YEATS4: variants seen among roughly 807,000 people sequenced by gnomAD.
YEATS4 encodes YEATS domain containing 4.
Under a neutral mutation model 30.1 loss-of-function variants are expected in YEATS4, and 17 were observed. The observed-to-expected ratio is 0.56, with a 90% confidence interval of 0.39 to 0.85. The LOEUF (loss-of-function observed/expected upper bound fraction) is 0.85. Among genes scored for constraint, YEATS4 ranks in the 40% least tolerant of loss-of-function variants. The pLI is 0.00. For synonymous variants in YEATS4, 85 were observed against 87.5 expected, an observed-to-expected ratio of 0.97 and a Z score of 0.16; for missense variants, 142 against 268.3, an observed-to-expected ratio of 0.53 and a Z score of 3.29.
At chr12:69,375,459 TG>T (rs201674818) in intron 6 of YEATS4, among the ~76,000 whole-genome samples, 8,778 of 135,922 alleles carry the variant, frequency 0.065, 373 homozygotes, top group African/African-American at 0.13. Flanking sequence ...TCCCAGACGA[TG>T]GGCGGCCAGG....
intron 4 of YEATS4, among the ~76,000 whole-genome samples, chr12:69,367,045 C>T (rs1032057275): frequency 3.9e-5 from 6 of 152,144 alleles, no homozygotes; most frequent in South Asian, 2.1e-4. Flanking sequence ...TTTCTTCCTA[C>T]GTAGGAATTT....
intron 6 of YEATS4, among the ~76,000 whole-genome samples, chr12:69,372,932 A>G (rs1444912836): frequency 6.6e-6 from 1 of 152,020 alleles, no homozygotes; most frequent in Non-Finnish European, 1.5e-5. Flanking sequence ...TAATGACCTT[A>G]AGTTCCATCC....
rs779259658 is a variant in YEATS4 at position 69,359,944 on chromosome 12, G to T, written c.-29G>T. 1 of 1,610,600 alleles carries T rather than the reference G, an allele frequency of 6.2e-7. No individual in the cohort carries two copies. Among genetic ancestry groups the T allele is most frequent in the African/African-American group, 1.3e-5 (1 of 74,618 alleles). On this transcript the variant is annotated 5_prime_UTR_variant, in exon 1 of 7. Coordinates refer to ENST00000247843, the MANE Select transcript of YEATS4 (RefSeq NM_006530.4). ...CCCGCCAGCCCCGGTCTCTTTCCCT[G>T]GCGGCGGCGGCTTCTTCCGTGGGAC...
chr12:69,382,809 G>A (rs962139721), intron 6 of YEATS4, among the ~76,000 whole-genome samples: 2 of 152,208 alleles, frequency 1.3e-5, no homozygotes, highest in South Asian at 2.1e-4. Flanking sequence ...TTTGAAAATA[G>A]GTACAGGAGG....
intron 6 of YEATS4, among the ~76,000 whole-genome samples, chr12:69,385,333 A>C (rs909964054): frequency 5.9e-5 from 9 of 152,288 alleles, no homozygotes; most frequent in African/African-American, 2.2e-4. Flanking sequence ...TGTGAGTATA[A>C]ATTTAGCTCT....
rs1259418843 is a variant in YEATS4 at position 69,390,273 on chromosome 12, A to C, written c.641A>C (p.Glu214Ala). ...SRETINCLKN[E>A]IRKLEEDDQA... Reference sequence around the variant, plus strand: ...GAAACTATAAATTGTTTAAAAAATGAAATCAGAAAACTTGAAGAAGATGAC... The same window carrying C: ...GAAACTATAAATTGTTTAAAAAATGCAATCAGAAAACTTGAAGAAGATGAC... Residue 214 changes from glutamate to alanine, a missense_variant, in exon 7 of 7, where the codon GAA (glutamate) becomes GCA (alanine). Around this residue, in one of 3 missense-constraint regions of YEATS4, gnomAD observed 53 missense variants for 68.6 expected, o/e 0.77. Coordinates refer to ENST00000247843, the MANE Select transcript of YEATS4 (RefSeq NM_006530.4). 3 of 1,597,912 alleles carry C rather than the reference A, an allele frequency of 1.9e-6. No homozygotes were observed. The highest frequency in any genetic ancestry group is 2.6e-6 in the Non-Finnish European group (3 of 1,175,994).
intron 6 of YEATS4, among the ~76,000 whole-genome samples, chr12:69,378,088 T>G (rs906106565): frequency 6.6e-6 from 1 of 152,240 alleles, no homozygotes; most frequent in Non-Finnish European, 1.5e-5. Flanking sequence ...CCTTTATTAT[T>G]ATATAATGAC....
chr12:69,401,797 A>G, the YEATS4 span, among the ~76,000 whole-genome samples: 1 of 152,080 alleles, frequency 6.6e-6, no homozygotes, highest in Non-Finnish European at 1.5e-5. Flanking sequence ...CACACGTTCT[A>G]CTTTCTTTTG....
intron 2 of YEATS4, 80 bp downstream of exon 2, chr12:69,362,987 T>G: frequency 9.9e-7 from 1 of 1,011,290 alleles, no homozygotes; most frequent in South Asian, 2.8e-5. Context: ...CTGTAGTTTT[T>G]TTTTTTTTTT....
intron 6 of YEATS4, among the ~76,000 whole-genome samples, chr12:69,373,261 A>G (rs1875714222): frequency 6.6e-6 from 1 of 152,174 alleles, no homozygotes; most frequent in African/African-American, 2.4e-5. Context: ...CACCAACAGT[A>G]TATAAGGGTT....
chr12:69,372,590 A>G (rs1875690404), intron 6 of YEATS4, among the ~76,000 whole-genome samples: 1 of 142,634 alleles, frequency 7.0e-6, no homozygotes, highest in Non-Finnish European at 1.5e-5. Flanking sequence ...GCTGGAGGGC[A>G]GTGGCATGAT....
At chr12:69,409,307 G>C in the YEATS4 span, among the ~76,000 whole-genome samples, 7 of 152,136 alleles carry the variant, frequency 4.6e-5, no homozygotes, top group Non-Finnish European at 5.9e-5. Context: ...TTAGAACCTA[G>C]TTAATGCTCA....
chr12:69,425,014 G>T, the YEATS4 span, among the ~76,000 whole-genome samples: 2 of 152,036 alleles, frequency 1.3e-5, 1 homozygote, highest in Admixed American at 1.3e-4. Context: ...CCGCCTCCTG[G>T]GTTCAAGCAA....
chr12:69,365,074 A>G (rs1180740966), intron 2 of YEATS4, among the ~76,000 whole-genome samples: 1 of 152,236 alleles, frequency 6.6e-6, no homozygotes, highest in East Asian at 1.9e-4. Flanking sequence ...TTGCCAAAAA[A>G]AAAGTTAATT....
At chr12:69,405,012 A>T in the YEATS4 span, among the ~76,000 whole-genome samples, 2 of 152,186 alleles carry the variant, frequency 1.3e-5, no homozygotes, top group Non-Finnish European at 2.9e-5. Flanking sequence ...AAAGAAGCAG[A>T]GAGAGAGAGG....
chr12:69,385,732 T>C lies in YEATS4; in HGVS notation c.515-4415T>C, dbSNP rs933987352. 2.6e-5 allele frequency among the ~76,000 whole-genome samples: 4 copies of C among 152,218 alleles called. No individual in the cohort carries two copies. The South Asian group carries it at 8.3e-4, about 32-fold the overall frequency. On this transcript the variant is annotated intron_variant, in intron 6 of 6. Transcript: ENST00000247843. Reference sequence around the variant, plus strand: ...AAGCACTAATGATCTAGCTTTTTAGTTGCTTCTTCAAGAAATAGTAAAAAT... The same window carrying C: ...AAGCACTAATGATCTAGCTTTTTAGCTGCTTCTTCAAGAAATAGTAAAAAT...
Position 69,370,869 on chromosome 12 carries a change from G to A in YEATS4, c.427-19G>A. ...AGAACTTTGAAGTTATTGGGTTTTT[G>A]TTCATTTTATCCCATTAGATATTTC... is the stretch of plus-strand genomic sequence containing the variant. On this transcript the variant is annotated intron_variant, in intron 5 of 6. Coordinates refer to ENST00000247843, the MANE Select transcript of YEATS4 (RefSeq NM_006530.4). The A allele has an allele frequency of 6.2e-7, 1 of 1,604,140 alleles. No individual in the cohort carries two copies. The highest frequency in any genetic ancestry group is 8.5e-7 in the Non-Finnish European group (1 of 1,177,300).
At chr12:69,416,795 G>A in the YEATS4 span, among the ~76,000 whole-genome samples, 351 of 152,278 alleles carry the variant, frequency 2.3e-3, 2 homozygotes, top group African/African-American at 8.0e-3. Flanking sequence ...TTGGTCAGCC[G>A]GTGGCGGTGG....
At chr12:69,362,693 C>A (rs2120892755) in intron 1 of YEATS4, 95 bp from the exon 2 acceptor site, 2 of 895,190 alleles carry the variant, frequency 2.2e-6, no homozygotes, top group Non-Finnish European at 1.6e-6. Context: ...AGATTGTTAG[C>A]CTGCCATTCT....
Sources: gnomAD v4.1 joint callset for allele counts (sites outside exome capture counted in the v4.1 genomes callset) on GRCh38, gnomAD v4.1.1 for gene constraint, gnomAD v4.1.1 regional missense constraint, MANE v1.5 for transcripts, NCBI Gene and HGNC (gene_info 2026-07-23, HGNC 2026-07-21) for gene names.